The following RGS22 variants were observed in gnomAD, a reference collection of about 807,000 sequenced individuals.
RGS22 encodes the protein regulator of G-protein signaling 22.
Under a neutral mutation model 172.9 loss-of-function variants are expected in RGS22, and 148 were observed. That is an observed-to-expected ratio of 0.86 (90% CI 0.75 to 0.98). The LOEUF is 0.98. RGS22 is among the 50% of genes least tolerant of loss of function. The pLI is 0.00. For synonymous variants in RGS22, 458 were observed against 480.2 expected, an observed-to-expected ratio of 0.95 and a Z score of 0.60; for missense variants, 1,347 against 1,440.8, an observed-to-expected ratio of 0.93 and a Z score of 1.05.
At chr8:100,073,733 A>G (rs1811152749) in intron 4 of RGS22, among the ~76,000 whole-genome samples, 1 of 152,238 alleles carries the variant, frequency 6.6e-6, no homozygotes, top group African/African-American at 2.4e-5. Context: ...AGAATTCTAT[A>G]AGGTTGTCAA....
intron 10 of RGS22, among the ~76,000 whole-genome samples, chr8:100,052,500 A>G (rs1244362175): frequency 4.6e-5 from 7 of 151,542 alleles, no homozygotes; most frequent in Non-Finnish European, 4.4e-5. Flanking sequence ...ACGGGGTTTC[A>G]CCGTGTTAGC....
chr8:100,091,219 CTT>C (rs1251005565), intron 3 of RGS22, among the ~76,000 whole-genome samples: 1 of 149,872 alleles, frequency 6.7e-6, no homozygotes, highest in African/African-American at 2.5e-5. Context: ...TTTCTCTTCT[CTT>C]GTCTTGTAAT....
chr8:99,994,305 G>C (rs1814107824), intron 20 of RGS22, among the ~76,000 whole-genome samples: 1 of 152,138 alleles, frequency 6.6e-6, no homozygotes. Flanking sequence ...TATTCAAGTA[G>C]GAAAAGAGGA....
At chr8:100,043,684 G>A (rs1483072491) in intron 11 of RGS22, among the ~76,000 whole-genome samples, 1 of 152,050 alleles carries the variant, frequency 6.6e-6, no homozygotes, top group African/African-American at 2.4e-5. Flanking sequence ...GCTGAGGCAG[G>A]AGAATCGCTT....
At chr8:100,055,633 G>A (rs576640767) in intron 9 of RGS22, among the ~76,000 whole-genome samples, 5 of 152,290 alleles carry the variant, frequency 3.3e-5, no homozygotes, top group East Asian at 1.9e-4. Context: ...GGAGGGATCC[G>A]ATGGGAGGTA....
chr8:99,992,297 C>T (rs955818170), intron 20 of RGS22, among the ~76,000 whole-genome samples: 3 of 152,132 alleles, frequency 2.0e-5, no homozygotes, highest in African/African-American at 7.2e-5. Context: ...AGGCTAAATG[C>T]CGCAATTAAA....
chr8:100,039,668 G>A (rs1201667788), intron 13 of RGS22, among the ~76,000 whole-genome samples: 6 of 151,702 alleles, frequency 4.0e-5, no homozygotes, highest in African/African-American at 9.7e-5. Context: ...GAGCCACCGC[G>A]CCTGGCCAAT....
intron 14 of RGS22, among the ~76,000 whole-genome samples, chr8:100,036,659 C>T (rs749482261): frequency 1.5e-4 from 23 of 152,104 alleles, no homozygotes; most frequent in Non-Finnish European, 2.5e-4. Context: ...AGAGTGGTGG[C>T]GCAATCATAG....
intron 22 of RGS22, among the ~76,000 whole-genome samples, chr8:99,978,603 C>T (rs1812227492): frequency 6.6e-6 from 1 of 152,168 alleles, no homozygotes; most frequent in South Asian, 2.1e-4. Context: ...TAATCTCTTA[C>T]TTTTATGTGA....
At chr8:100,105,351 T>C (rs564536960) in intron 2 of RGS22, 23 bp downstream of exon 2, 5 of 1,592,818 alleles carry the variant, frequency 3.1e-6, no homozygotes, top group Middle Eastern at 1.7e-4. Flanking sequence ...AAGAAAAAAA[T>C]AGCCCCTTGA....
In RGS22 at chr8:100,003,939, T is replaced by A. The variant is rs1388336533; in HGVS notation, c.2614A>T (p.Thr872Ser). Residue 872 changes from threonine to serine, a missense_variant, in exon 17 of 28, where the codon ACT becomes TCT. Transcript: ENST00000360863. ...TATGTCCCTCACCTTGAAGAATGAG[T>A]CTCAAGAAACTGACGGAAATGTTCA... is the stretch of plus-strand genomic sequence containing the variant. ...EFEHFRQFLE[T>S]HSSSMDLMCW... is the part of the protein sequence containing the mutation. The A allele has an allele frequency of 6.2e-6, 10 of 1,604,748 alleles. No individual in the cohort carries two copies. The highest frequency in any genetic ancestry group is 7.7e-6 in the Non-Finnish European group (9 of 1,175,146).
At position 100,009,360 on chromosome 8, in the gene RGS22, G is replaced by A. The variant is rs142178862; in HGVS notation, c.2167-791C>T. Among the ~76,000 whole-genome samples, 45 of 150,722 alleles carry A rather than the reference G, an allele frequency of 3.0e-4. 1 individual carries two copies. The highest frequency in any genetic ancestry group is 3.4e-3 in the Middle Eastern group (1 of 294). On this transcript the variant is annotated intron_variant, in intron 14 of 27. Transcript: ENST00000360863. ...CTTGAACCCGGGCGGCAGAGATTGCGGTGGCCCAAGATCAAGATCATGCCA... is the reference window on the plus strand; with the variant it reads ...CTTGAACCCGGGCGGCAGAGATTGCAGTGGCCCAAGATCAAGATCATGCCA...
Position 100,063,452 on chromosome 8 carries a change from C to A in RGS22, c.1316G>T (p.Arg439Met). ...RYWWLWMDIE[R>M]LKVLKDPGRH... The stretch of plus-strand genomic sequence containing the variant: ...TCCAGGATCCTTAAGAACTTTTAAC[C>A]TCTCAATATCCATCCATAGCCACCA... Residue 439 changes from arginine (R) to methionine (M), a missense_variant, in exon 8 of 28, where the codon AGG becomes ATG. Transcript: ENST00000360863. The A allele has an allele frequency of 6.2e-7, 1 of 1,602,676 alleles. No homozygotes were observed.
chr8:99,992,327 G>A (rs1015913916), intron 20 of RGS22, among the ~76,000 whole-genome samples: 4 of 152,106 alleles, frequency 2.6e-5, no homozygotes, highest in Non-Finnish European at 5.9e-5. Flanking sequence ...CTGGCAAATT[G>A]GATAAAGAGT....
At chr8:100,082,963 A>C (rs1437210960) in intron 3 of RGS22, among the ~76,000 whole-genome samples, 1 of 152,238 alleles carries the variant, frequency 6.6e-6, no homozygotes, top group Admixed American at 6.5e-5. Flanking sequence ...TTAAGGAACA[A>C]AGAAAAAAGA....
Position 99,961,018 on chromosome 8 carries a change from A to C in RGS22, c.*224T>G. ...TTATAGTCTTGTATGTCATGTGTACAGAATAGCTATAATTTTAAAACTGCG... is the reference window on the plus strand; with the variant it reads ...TTATAGTCTTGTATGTCATGTGTACCGAATAGCTATAATTTTAAAACTGCG... On this transcript the variant is annotated 3_prime_UTR_variant, in exon 28 of 28. Transcript: ENST00000360863. The C allele has an allele frequency of 3.0e-6, 1 of 337,388 alleles. No individual in the cohort carries two copies. The highest frequency in any genetic ancestry group is 2.6e-5 in the South Asian group (1 of 38,844). 20.9% of individuals were successfully genotyped at this position (337,388 alleles called of 1,614,324 possible). A position where few individuals can be genotyped will look rare whatever the true frequency, so the allele number is the denominator to read the frequency against.
rs1813914137 is a variant in RGS22, at chr8:100,105,984, A to T, written c.-63T>A. ...CGTCAGGGCCCTAGCGCGCGGGTCC[A>T]GCGCGGGTCAGGGCCTGAGCGACGC... On this transcript the variant is annotated 5_prime_UTR_variant, in exon 1 of 28. Coordinates refer to ENST00000360863, the MANE Select transcript of RGS22 (RefSeq NM_015668.5). 2.3e-6 allele frequency: 3 copies of T among 1,321,602 alleles called. No individual in the cohort carries two copies. Among genetic ancestry groups the T allele is most frequent in the Non-Finnish European group, 2.9e-6 (3 of 1,040,050 alleles). The allele number at this position is 1,321,602 out of a possible 1,614,324, so 81.9% of individuals were successfully genotyped here.
rs748783059 is a variant in RGS22 at position 99,996,485 on chromosome 8, C to T, written c.2995G>A (p.Glu999Lys). ...GCCTTCCAGACCCCGATTTTCTTTT[C>T]AGCCTTCTGTAGTAAGAGCTCTTCT... ...IAEELLLQKA[E>K]KKIGVWKPVE... The change falls in exon 20 of 28, where the codon GAA becomes AAA. Residue 999 changes from glutamate (E) to lysine (K), a missense_variant. Coordinates refer to ENST00000360863, the MANE Select transcript of RGS22 (RefSeq NM_015668.5). 1.9e-6 allele frequency: 3 copies of T among 1,613,494 alleles called. No homozygotes were observed. Among genetic ancestry groups the T allele is most frequent in the Non-Finnish European group, 2.5e-6 (3 of 1,179,654 alleles).
chr8:99,996,116 TG>T (rs1312831095), intron 20 of RGS22, among the ~76,000 whole-genome samples: 5 of 10,108 alleles, frequency 4.9e-4, no homozygotes, highest in Admixed American at 1.4e-3. Flanking sequence ...TGTTGGGGGG[TG>T]GGGGGCTGGG....
Sources: gnomAD v4.1 joint callset for allele counts (sites outside exome capture counted in the v4.1 genomes callset) on GRCh38, gnomAD v4.1.1 for gene constraint, MANE v1.5 for transcripts, NCBI Gene and HGNC (gene_info 2026-07-23, HGNC 2026-07-21) for gene names.